DLG2: variants seen among roughly 807,000 people sequenced by gnomAD.
DLG2 encodes the protein discs large MAGUK scaffold protein 2.
Under a neutral mutation model 132.5 loss-of-function variants are expected in DLG2, and 45 were observed. That is an observed-to-expected ratio of 0.34 (90% confidence interval 0.27 to 0.44). The LOEUF is 0.44. Among genes scored for constraint, DLG2 ranks in the 20% least tolerant of loss-of-function variants. DLG2 has a pLI of 1.00. For synonymous variants in DLG2, 424 were observed against 419.6 expected (o/e 1.01, Z -0.13); for missense variants, 1,045 against 1,196.9 (o/e 0.87, Z 1.87).
intron 7 of DLG2, among the ~76,000 whole-genome samples, chr11:84,355,958 GA>G (rs1448092210): frequency 5.3e-5 from 8 of 152,016 alleles, no homozygotes; most frequent in Non-Finnish European, 8.8e-5. Context: ...ATCACTAAGT[GA>G]AAACTAGATT....
chr11:84,979,834 A>C (rs2055481503), intron 6 of DLG2, among the ~76,000 whole-genome samples: 1 of 152,088 alleles, frequency 6.6e-6, no homozygotes, highest in African/African-American at 2.4e-5. Context: ...CCTTCAAAAA[A>C]AAAACAAAAA....
At chr11:84,802,869 G>A (rs750639799) in intron 6 of DLG2, among the ~76,000 whole-genome samples, 2 of 151,980 alleles carry the variant, frequency 1.3e-5, no homozygotes, top group Non-Finnish European at 2.9e-5. Flanking sequence ...GCGCGATCTC[G>A]GCTCACTGCA....
At chr11:85,398,226 C>T (rs2087614980) in intron 3 of DLG2, among the ~76,000 whole-genome samples, 1 of 152,078 alleles carries the variant, frequency 6.6e-6, no homozygotes. Context: ...GTCTTTGAAA[C>T]CAATGAGAAC....
chr11:83,836,897 C>G (rs2056319369), intron 16 of DLG2, among the ~76,000 whole-genome samples: 1 of 152,168 alleles, frequency 6.6e-6, no homozygotes, highest in Non-Finnish European at 1.5e-5. Context: ...GGCAGTTCAG[C>G]TCCCCCTTGA....
chr11:85,106,533 C>T (rs1038195906), intron 6 of DLG2, among the ~76,000 whole-genome samples: 32 of 152,008 alleles, frequency 2.1e-4, no homozygotes, highest in African/African-American at 4.6e-4. Flanking sequence ...CTGTTTTTTA[C>T]GCTTTTTCTC....
At chr11:85,014,593 T>C (rs1208823764) in intron 6 of DLG2, among the ~76,000 whole-genome samples, 1 of 151,996 alleles carries the variant, frequency 6.6e-6, no homozygotes, top group Non-Finnish European at 1.5e-5. Context: ...AAGGTAGCTA[T>C]TTCTACCCAG....
chr11:84,623,995 A>G (rs2099618082), intron 6 of DLG2, among the ~76,000 whole-genome samples: 1 of 152,218 alleles, frequency 6.6e-6, no homozygotes, highest in Admixed American at 6.5e-5. Context: ...GTGCTCACAC[A>G]TAATATGTAC....
At chr11:84,013,454 G>T (rs1024956518) in intron 11 of DLG2, among the ~76,000 whole-genome samples, 2 of 152,134 alleles carry the variant, frequency 1.3e-5, no homozygotes, top group African/African-American at 2.4e-5. Context: ...TATGAAATAT[G>T]TTTAAATTCC....
In DLG2 at chr11:85,607,335, G is replaced by C. The variant is rs150520968; in HGVS notation, c.-92-8547C>G. On this transcript the variant is annotated intron_variant, in intron 2 of 27. Transcript: ENST00000376104. ...TTCCCGTACTTCTGGGCTGAGCCAAGGGTCGACAGAGGGGAAAGTCATTCA... is the reference window on the plus strand; with the variant it reads ...TTCCCGTACTTCTGGGCTGAGCCAACGGTCGACAGAGGGGAAAGTCATTCA... Among the ~76,000 whole-genome samples, 708 of 152,274 alleles carry C rather than the reference G, an allele frequency of 4.6e-3. 28 individuals are homozygous for C. The highest frequency in any genetic ancestry group is 0.038 in the Admixed American group (588 of 15,296).
rs898753601 is a variant in DLG2, at chr11:83,848,299, C to T, written c.1566-14529G>A. Reference sequence around the variant, plus strand: ...TCTAGTGCCTGGTACAGATTAGGTACAGATTAGTGCCTGGTACAGATATTT... The same window carrying T: ...TCTAGTGCCTGGTACAGATTAGGTATAGATTAGTGCCTGGTACAGATATTT... On this transcript the variant is annotated intron_variant, in intron 16 of 27. Transcript: ENST00000376104. 2.0e-5 allele frequency among the ~76,000 whole-genome samples: 3 copies of T among 152,172 alleles called. 1 individual carries two copies. The highest frequency in any genetic ancestry group is 6.8e-3 in the Middle Eastern group (2 of 294).
intron 9 of DLG2, among the ~76,000 whole-genome samples, chr11:84,103,748 T>C (rs577064232): frequency 6.6e-6 from 1 of 152,160 alleles, no homozygotes; most frequent in Non-Finnish European, 1.5e-5. Context: ...ATAAATATAA[T>C]GTCTCTGGGA....
intron 21 of DLG2, among the ~76,000 whole-genome samples, chr11:83,510,771 A>T (rs992071958): frequency 4.1e-5 from 6 of 145,058 alleles, no homozygotes; most frequent in Non-Finnish European, 6.0e-5. Context: ...CAGTCAGAGG[A>T]GTGAATCACA....
intron 11 of DLG2, among the ~76,000 whole-genome samples, chr11:84,015,944 T>G (rs1053004386): frequency 7.2e-5 from 11 of 152,182 alleles, no homozygotes; most frequent in Non-Finnish European, 8.8e-5. Context: ...CCTAGGTCTT[T>G]GAGGAATCCT....
At chr11:85,375,715 T>G (rs2085350566) in intron 3 of DLG2, among the ~76,000 whole-genome samples, 1 of 152,234 alleles carries the variant, frequency 6.6e-6, no homozygotes, top group Admixed American at 6.5e-5. Context: ...TAATTCAATT[T>G]GAACAGTAAT....
chr11:84,161,082 A>T (rs1000348598), intron 9 of DLG2, among the ~76,000 whole-genome samples: 2 of 152,332 alleles, frequency 1.3e-5, no homozygotes, highest in East Asian at 3.8e-4. Context: ...AAGTGAGATG[A>T]GTGAGTGTTT....
intron 9 of DLG2, among the ~76,000 whole-genome samples, chr11:84,141,204 CCTAT>C (rs1245450746): frequency 4.6e-5 from 7 of 151,970 alleles, no homozygotes; most frequent in Non-Finnish European, 7.4e-5. Context: ...TATTTATTTT[CCTAT>C]CTATCTATCT....
At chr11:83,678,454 C>T (rs2078153231) in intron 18 of DLG2, among the ~76,000 whole-genome samples, 1 of 152,168 alleles carries the variant, frequency 6.6e-6, no homozygotes, top group African/African-American at 2.4e-5. Context: ...TACAAAAGAC[C>T]TTTCATGCAG....
At chr11:83,632,858 T>G in intron 19 of DLG2, 1 of 218,612 alleles carries the variant, frequency 4.6e-6, no homozygotes, top group South Asian at 8.6e-5. Flanking sequence ...ATATTTTCTT[T>G]TCACACTGAT....
At position 83,469,288 on chromosome 11, in the gene DLG2, G is replaced by T; in HGVS notation, c.2532C>A (p.Ile844=). Residue 844 remains isoleucine, a synonymous_variant, in exon 25 of 28, where the codon ATC becomes ATA. Transcript: ENST00000376104. ...CGGCTTCTATAAACTTGTGCTCTTG[G>T]ATATCTTTCTCCATTTGTTCTCTGG... The part of the protein sequence containing the change: ...VISREQMEKD[I]QEHKFIEAGQ... 3 of 1,613,696 alleles carry T rather than the reference G, an allele frequency of 1.9e-6. No individual in the cohort carries two copies. Among genetic ancestry groups the T allele is most frequent in the Non-Finnish European group, 2.5e-6 (3 of 1,179,780 alleles).
Sources: gnomAD v4.1 joint callset for allele counts (sites outside exome capture counted in the v4.1 genomes callset) on GRCh38, gnomAD v4.1.1 for gene constraint, MANE v1.5 for transcripts, NCBI Gene and HGNC (gene_info 2026-07-23, HGNC 2026-07-21) for gene names.